SHROOM3: variants seen among roughly 807,000 people sequenced by gnomAD.
SHROOM3 encodes protein Shroom3.
Under a neutral mutation model 138.6 loss-of-function variants are expected in SHROOM3, and 47 were observed. The ratio of observed to expected loss-of-function variants is 0.34; its 90% CI spans 0.27 to 0.43. The LOEUF (loss-of-function observed/expected upper bound fraction) is 0.43, where lower values mean the gene tolerates loss of function less well. Ranked by LOEUF, SHROOM3 falls within the 20% of genes least tolerant of loss-of-function variation. The probability of loss-of-function intolerance (pLI) is 1.00; values close to 1 mark genes in which losing one functional copy is unlikely to be tolerated. For synonymous variants in SHROOM3, 1,062 were observed against 1,063.3 expected (o/e 1.00, Z 0.02); for missense variants, 2,491 against 2,596.5 (o/e 0.96, Z 0.88).
chr4:76,557,454 G>C (rs554676734), intron 2 of SHROOM3, among the ~76,000 whole-genome samples: 9 of 152,170 alleles, frequency 5.9e-5, no homozygotes, highest in Non-Finnish European at 1.0e-4. Context: ...GTTTGCCAGG[G>C]ACTGGGGCAC....
intron 2 of SHROOM3, among the ~76,000 whole-genome samples, chr4:76,658,583 AC>A (rs748401756): frequency 1.3e-5 from 2 of 152,194 alleles, no homozygotes; most frequent in African/African-American, 2.4e-5. Context: ...CAGAGCAGGA[AC>A]AGTGAACTAT....
intron 1 of SHROOM3, among the ~76,000 whole-genome samples, chr4:76,440,402 G>A (rs1295535488): frequency 2.0e-5 from 3 of 152,154 alleles, no homozygotes; most frequent in Non-Finnish European, 4.4e-5. Flanking sequence ...AGTCTCCATT[G>A]CCTACTGAAC....
At chr4:76,592,848 T>C (rs1030471502) in intron 2 of SHROOM3, among the ~76,000 whole-genome samples, 4 of 152,168 alleles carry the variant, frequency 2.6e-5, no homozygotes, top group Non-Finnish European at 5.9e-5. Context: ...GAGGAGCATA[T>C]TGCAGATATA....
At chr4:76,710,465 C>T (rs17257930) in intron 3 of SHROOM3, among the ~76,000 whole-genome samples, 178 bp downstream of exon 3, 3,284 of 152,224 alleles carry the variant, frequency 0.022, 53 homozygotes, top group Non-Finnish European at 0.035. Flanking sequence ...GGATACTGAT[C>T]TTATTAATGG....
At chr4:76,671,048 C>A (rs757528933) in intron 2 of SHROOM3, among the ~76,000 whole-genome samples, 1 of 152,206 alleles carries the variant, frequency 6.6e-6, no homozygotes, top group Non-Finnish European at 1.5e-5. Flanking sequence ...CCCTTTTAAT[C>A]CCCTCTGCTA....
intron 2 of SHROOM3, among the ~76,000 whole-genome samples, chr4:76,687,868 TCAC>T (rs2110106147): frequency 6.6e-6 from 1 of 152,278 alleles, no homozygotes; most frequent in South Asian, 2.1e-4. Flanking sequence ...TTATGAGATT[TCAC>T]CTGACCCAGA....
At chr4:76,438,435 T>C (rs1730603476) in intron 1 of SHROOM3, among the ~76,000 whole-genome samples, 1 of 152,232 alleles carries the variant, frequency 6.6e-6, no homozygotes, top group African/African-American at 2.4e-5. Context: ...CTATTTCTAT[T>C]TCAATTAAAG....
intron 4 of SHROOM3, 89 bp downstream of exon 4, chr4:76,731,024 G>GT (rs1182440279): frequency 5.8e-6 from 9 of 1,551,436 alleles, no homozygotes; most frequent in Non-Finnish European, 7.1e-6. Context: ...TTTTGAGAAT[G>GT]TTTTTTCTTA....
At chr4:76,778,405 A>C (rs1452753619) in intron 10 of SHROOM3, among the ~76,000 whole-genome samples, 1 of 152,026 alleles carries the variant, frequency 6.6e-6, no homozygotes. Flanking sequence ...TATTTTTAGT[A>C]GAGACGGGGT....
intron 2 of SHROOM3, among the ~76,000 whole-genome samples, chr4:76,582,769 C>T (rs1056120297): frequency 2.0e-5 from 3 of 152,188 alleles, no homozygotes; most frequent in Non-Finnish European, 2.9e-5. Context: ...AGACCAGAGG[C>T]CTCCTCCAAG....
intron 2 of SHROOM3, among the ~76,000 whole-genome samples, chr4:76,576,628 TAA>T (rs1438347542): frequency 6.6e-6 from 1 of 152,080 alleles, no homozygotes; most frequent in Non-Finnish European, 1.5e-5. Flanking sequence ...ATTGTACATT[TAA>T]AAATAACTAA....
chr4:76,506,858 C>T (rs7658822), intron 1 of SHROOM3, among the ~76,000 whole-genome samples: 45,052 of 151,874 alleles, frequency 0.3, 7,529 homozygotes, highest in African/African-American at 0.44. Flanking sequence ...GGAAGATGAA[C>T]GTTTAACTCT....
At chr4:76,469,111 A>G (rs1251165271) in intron 1 of SHROOM3, among the ~76,000 whole-genome samples, 1 of 151,844 alleles carries the variant, frequency 6.6e-6, no homozygotes, top group African/African-American at 2.4e-5. Context: ...CCGAGGCAGG[A>G]GAATTACTTG....
intron 7 of SHROOM3, 88 bp from the exon 8 acceptor site, chr4:76,756,361 T>C: frequency 6.7e-7 from 1 of 1,490,534 alleles, no homozygotes; most frequent in Non-Finnish European, 9.1e-7. Context: ...TCCCTCAGTC[T>C]TTCTCCACCC....
intron 10 of SHROOM3, among the ~76,000 whole-genome samples, chr4:76,775,321 G>GGTGTGTGTGT (rs57294282): frequency 0.12 from 18,588 of 149,104 alleles, 1,298 homozygotes; most frequent in East Asian, 0.2. Context: ...TAGTCCATGG[G>GGTGTGTGTGT]GTGTGTGTGT....
At chr4:76,707,975 C>G (rs1216609754) in intron 2 of SHROOM3, among the ~76,000 whole-genome samples, 2 of 151,922 alleles carry the variant, frequency 1.3e-5, no homozygotes, top group African/African-American at 2.4e-5. Context: ...GTATCCAGAG[C>G]CAACCCATCC....
At chr4:76,553,068 T>C (rs945227180) in intron 1 of SHROOM3, among the ~76,000 whole-genome samples, 2 of 152,244 alleles carry the variant, frequency 1.3e-5, no homozygotes, top group African/African-American at 2.4e-5. Flanking sequence ...TCCACTTTTA[T>C]AGCCCAAGCA....
At chr4:76,770,480 A>G in intron 9 of SHROOM3, 146 bp from the exon 10 acceptor site, 1 of 960,442 alleles carries the variant, frequency 1.0e-6, no homozygotes, top group Non-Finnish European at 1.6e-6. Context: ...CTATTATGGC[A>G]TAATATTGGG....
At chr4:76,516,616 A>G (rs1290791511) in intron 1 of SHROOM3, among the ~76,000 whole-genome samples, 1 of 152,152 alleles carries the variant, frequency 6.6e-6, no homozygotes, top group Non-Finnish European at 1.5e-5. Context: ...AGGAACCAAA[A>G]TCACCAGCTA....
Sources: gnomAD v4.1 joint callset for allele counts (sites outside exome capture counted in the v4.1 genomes callset) on GRCh38, gnomAD v4.1.1 for gene constraint, MANE v1.5 for transcripts, NCBI Gene and HGNC (gene_info 2026-07-23, HGNC 2026-07-21) for gene names.